Variants in LARP1 observed in about 807,000 individuals in gnomAD.
LARP1 encodes the protein la-related protein 1.
In LARP1, 36 loss-of-function variants were observed where a neutral mutation model predicts 122.7. The observed-to-expected ratio is 0.29, with a 90% CI of 0.22 to 0.39. The LOEUF is 0.39. Ranked by LOEUF, LARP1 falls within the 10% of genes least tolerant of loss-of-function variation. The pLI, the probability that LARP1 is intolerant of heterozygous loss-of-function variation, is 1.00. For synonymous variants in LARP1, 539 were observed against 528.7 expected, an observed-to-expected ratio of 1.02 and a Z score of -0.27; for missense variants, 1,040 against 1,403.6, an observed-to-expected ratio of 0.74 and a Z score of 4.14.
At chr5:154,795,139 A>G (rs370919023) in intron 7 of LARP1, 36 bp from the exon 8 acceptor site, 8 of 1,607,130 alleles carry the variant, frequency 5.0e-6, no homozygotes, top group African/African-American at 4.0e-5. Context: ...TGATGCACCA[A>G]TCCCTCGGTG....
upstream of LARP1, among the ~76,000 whole-genome samples, chr5:154,752,510 C>T (rs770319619): frequency 4.1e-4 from 62 of 152,032 alleles, no homozygotes; most frequent in Non-Finnish European, 8.2e-4. Flanking sequence ...CCCAAAGTGC[C>T]GGGATTACAG....
rs181444637 is a variant in LARP1 at position 154,757,996 on chromosome 5, A to G, written c.436+1803A>G. Among the ~76,000 whole-genome samples, 314 of 150,214 alleles carry G rather than the reference A, an allele frequency of 2.1e-3. 1 individual carries two copies. Among genetic ancestry groups the G allele is most frequent in the Non-Finnish European group, 2.9e-3 (195 of 67,658 alleles). On this transcript the variant is annotated intron_variant, in intron 1 of 18. Coordinates refer to ENST00000518297, the MANE Select transcript of LARP1 (RefSeq NM_033551.3). The stretch of plus-strand genomic sequence containing the variant: ...CTTTCAGTCCCTCCTATCCACCCAC[A>G]GAGTGAAGGAAAACAACTTTAAAAC...
chr5:154,778,311 A>C (rs181472440), intron 1 of LARP1, among the ~76,000 whole-genome samples: 1 of 151,720 alleles, frequency 6.6e-6, no homozygotes, highest in Non-Finnish European at 1.5e-5. Context: ...TAAATATGGT[A>C]TTGTGGTTTT....
At chr5:154,702,593 T>C (rs1205607468) in intron 1 of LARP1, among the ~76,000 whole-genome samples, 1 of 151,446 alleles carries the variant, frequency 6.6e-6, no homozygotes. Flanking sequence ...GGCATTTAAA[T>C]TACCCTTCAT....
At chr5:154,798,787 C>T (rs2113816639) in intron 8 of LARP1, among the ~76,000 whole-genome samples, 1 of 152,326 alleles carries the variant, frequency 6.6e-6, no homozygotes, top group Middle Eastern at 3.4e-3. Context: ...AGCCACTGTA[C>T]CCAGCCTGCT....
chr5:154,792,537 G>C (rs968548758), intron 3 of LARP1, 85 bp from the exon 4 acceptor site: 2 of 1,250,886 alleles, frequency 1.6e-6, no homozygotes, highest in African/African-American at 3.0e-5. Context: ...GCTCCTGCCT[G>C]CCCTTCTAGT....
chr5:154,689,619 A>T (rs1418344470), intron 1 of LARP1, among the ~76,000 whole-genome samples: 6 of 104,796 alleles, frequency 5.7e-5, no homozygotes, highest in Non-Finnish European at 8.8e-5. Context: ...GACTCCGTTT[A>T]AAAAAAAAAA....
intron 1 of LARP1, among the ~76,000 whole-genome samples, chr5:154,764,635 T>G (rs1199884931): frequency 1.4e-5 from 2 of 141,378 alleles, no homozygotes; most frequent in Admixed American, 1.4e-4. Context: ...CTGGGCGTAG[T>G]GGCTCACACC....
rs187545885 is a variant in LARP1, at chr5:154,714,815, G to A, written c.205+1685G>A. Among the ~76,000 whole-genome samples, 145 of 152,334 alleles carry A rather than the reference G, an allele frequency of 9.5e-4. 1 individual carries two copies. Among genetic ancestry groups the A allele is most frequent in the Middle Eastern group, 3.4e-3 (1 of 294 alleles). Reference sequence around the variant, plus strand: ...TTCTAGGAATAGGGAACTCAGGCAGGTATTTGAGTAACAATGTGTGTGAGC... The same window carrying A: ...TTCTAGGAATAGGGAACTCAGGCAGATATTTGAGTAACAATGTGTGTGAGC... On this transcript the variant is annotated intron_variant, in intron 1 of 18. Coordinates refer to the LARP1 transcript ENST00000336314.
intron 1 of LARP1, among the ~76,000 whole-genome samples, chr5:154,775,418 G>T (rs1302811776): frequency 6.6e-6 from 1 of 151,804 alleles, no homozygotes; most frequent in African/African-American, 2.4e-5. Context: ...ACCTGAACCC[G>T]GGGAGGTCGA....
At chr5:154,693,502 A>T (rs1254727948) in intron 1 of LARP1, among the ~76,000 whole-genome samples, 2 of 152,164 alleles carry the variant, frequency 1.3e-5, no homozygotes, top group Non-Finnish European at 2.9e-5. Flanking sequence ...TTAAAGTGGG[A>T]TGTAGGACTG....
At chr5:154,724,636 C>T (rs1388677067) in intron 1 of LARP1, among the ~76,000 whole-genome samples, 2 of 151,268 alleles carry the variant, frequency 1.3e-5, no homozygotes, top group Admixed American at 1.3e-4. Context: ...TAATTATGGA[C>T]TAGAAGACTG....
At chr5:154,749,253 T>G (rs1244971937) in intron 1 of LARP1, among the ~76,000 whole-genome samples, 1 of 152,084 alleles carries the variant, frequency 6.6e-6, no homozygotes, top group African/African-American at 2.4e-5. Flanking sequence ...AGTACAAAAC[T>G]CCAGGGAGGG....
Position 154,792,710 on chromosome 5 carries a change from A to G in LARP1, c.653A>G (p.Lys218Arg). 7 of 1,614,218 alleles carry G rather than the reference A, an allele frequency of 4.3e-6. No homozygotes were observed. Among genetic ancestry groups the G allele is most frequent in the Non-Finnish European group, 5.9e-6 (7 of 1,180,036 alleles). The change falls in exon 4 of 19, where the codon AAG (lysine) becomes AGG (arginine). Residue 218 changes from lysine to arginine, a missense_variant. By Grantham distance (26) the Lys-to-Arg change is conservative. Coordinates refer to ENST00000518297, the MANE Select transcript of LARP1 (RefSeq NM_033551.3). ...GAGAAAGGAGAAGGGAGTGATAGTA[A>G]GGAGAGTCCAAAAACCAAATCAGAT... ...EQEKGEGSDS[K>R]ESPKTKSDES...
chr5:154,728,272 A>C (rs565011212), intron 1 of LARP1, among the ~76,000 whole-genome samples: 1 of 152,230 alleles, frequency 6.6e-6, no homozygotes, highest in Admixed American at 6.5e-5. Context: ...TCTACAGTAG[A>C]TTGTCTGCCA....
intron 8 of LARP1, among the ~76,000 whole-genome samples, chr5:154,798,876 T>G (rs1037694915): frequency 6.6e-6 from 1 of 152,028 alleles, no homozygotes; most frequent in Non-Finnish European, 1.5e-5. Context: ...TGTTTGTTTG[T>G]TTGTTTGAGA....
rs1433960153 is a variant in LARP1, at chr5:154,799,788, C to T, written c.1546+29C>T. The T allele has an allele frequency of 2.5e-6, 4 of 1,613,164 alleles. No individual in the cohort carries two copies. The African/African-American group carries it at 4.0e-5, about 16-fold the overall frequency. ...GGTACCTGCTGGCATGAAGATTGCCCTTGTCCTCTGGGCAACAGTCCTCCT... is the reference window on the plus strand; with the variant it reads ...GGTACCTGCTGGCATGAAGATTGCCTTTGTCCTCTGGGCAACAGTCCTCCT... On this transcript the variant is annotated intron_variant, in intron 9 of 18. Transcript: ENST00000518297.
At chr5:154,755,129 T>C (rs986839414), upstream of LARP1, among the ~76,000 whole-genome samples, 1 of 150,360 alleles carries the variant, frequency 6.7e-6, no homozygotes, top group African/African-American at 2.5e-5. Flanking sequence ...GGTCTGAGCG[T>C]CCCTACCCCC....
At chr5:154,792,066 C>T (rs992467324) in intron 3 of LARP1, 8 of 436,810 alleles carry the variant, frequency 1.8e-5, no homozygotes, top group Non-Finnish European at 3.8e-5. Context: ...CTTGGGTTTT[C>T]TGAGTGAAGT....
Sources: gnomAD v4.1 joint callset for allele counts (sites outside exome capture counted in the v4.1 genomes callset) on GRCh38, gnomAD v4.1.1 for gene constraint, MANE v1.5 for transcripts, NCBI Gene and HGNC (gene_info 2026-07-23, HGNC 2026-07-21) for gene names.